Variants in AOPEP observed in about 807,000 individuals in gnomAD.
AOPEP encodes the protein aminopeptidase O.
Under a neutral mutation model 98.1 loss-of-function variants are expected in AOPEP, and 77 were observed. That is an observed-to-expected ratio of 0.78 (90% confidence interval 0.65 to 0.95). AOPEP has a LOEUF of 0.95. Among genes scored for constraint, AOPEP ranks in the 40% least tolerant of loss-of-function variants. The probability of loss-of-function intolerance (pLI) is 0.00; values close to 1 mark genes in which losing one functional copy is unlikely to be tolerated. For missense variants in AOPEP, 1,024 were observed against 1,024.7 expected, an observed-to-expected ratio of 1.00 and a Z score of 0.01; for synonymous variants, 346 against 365.3, an observed-to-expected ratio of 0.95 and a Z score of 0.60.
intron 7 of AOPEP, among the ~76,000 whole-genome samples, chr9:94,954,405 G>T (rs2058314638): frequency 6.6e-6 from 1 of 152,184 alleles, no homozygotes; most frequent in African/African-American, 2.4e-5. Flanking sequence ...GGAAGAAGAA[G>T]AATTGTCTTG....
chr9:95,007,441 C>G (rs2132772555), intron 13 of AOPEP, among the ~76,000 whole-genome samples: 1 of 152,228 alleles, frequency 6.6e-6, no homozygotes, highest in Admixed American at 6.5e-5. Context: ...CTTTGCCCAA[C>G]CGTTTCCTCT....
the AOPEP span, chr9:95,126,802 T>C: frequency 1.9e-6 from 1 of 534,070 alleles, no homozygotes; most frequent in Admixed American, 3.1e-5. Flanking sequence ...TATTCCTCTG[T>C]ATACTCCTGT....
At chr9:95,143,298 C>T in the AOPEP span, among the ~76,000 whole-genome samples, 2 of 152,152 alleles carry the variant, frequency 1.3e-5, no homozygotes, top group Admixed American at 6.5e-5. Flanking sequence ...GCTATTTGAA[C>T]CCCACAGTTT....
intron 13 of AOPEP, among the ~76,000 whole-genome samples, chr9:95,031,083 T>A (rs2064258216): frequency 6.6e-6 from 1 of 152,112 alleles, no homozygotes; most frequent in Admixed American, 6.5e-5. Context: ...CCCAGGCTAG[T>A]GGAAAGTGTG....
chr9:94,967,431 G>T (rs1276553380), intron 9 of AOPEP, among the ~76,000 whole-genome samples: 2 of 152,184 alleles, frequency 1.3e-5, no homozygotes, highest in Non-Finnish European at 2.9e-5. Context: ...GGCGATGGGG[G>T]AGTAGAGAGG....
chr9:95,124,705 T>A, the AOPEP span, among the ~76,000 whole-genome samples: 1 of 152,132 alleles, frequency 6.6e-6, no homozygotes, highest in Middle Eastern at 3.2e-3. Context: ...TTCCTATTCA[T>A]CACATGCCAT....
intron 2 of AOPEP, among the ~76,000 whole-genome samples, chr9:94,768,150 C>T (rs1840039106): frequency 1.3e-5 from 2 of 152,024 alleles, no homozygotes; most frequent in Admixed American, 6.6e-5. Context: ...AGATTCTGAC[C>T]CCCTAAACTG....
chr9:94,730,621 C>T (rs897225825), intron 1 of AOPEP, among the ~76,000 whole-genome samples: 1 of 152,158 alleles, frequency 6.6e-6, no homozygotes, highest in Non-Finnish European at 1.5e-5. Context: ...TAGGATCTCT[C>T]TATCTTCGGA....
intron 5 of AOPEP, among the ~76,000 whole-genome samples, chr9:94,849,118 G>A (rs188577724): frequency 2.0e-5 from 3 of 152,346 alleles, no homozygotes; most frequent in Admixed American, 1.3e-4. Flanking sequence ...GTTCAGAAAT[G>A]CTAAAATGGG....
intron 1 of AOPEP, among the ~76,000 whole-genome samples, chr9:94,740,322 G>A (rs952144393): frequency 2.0e-5 from 3 of 152,114 alleles, no homozygotes; most frequent in Admixed American, 6.5e-5. Flanking sequence ...ACGTGGTTGT[G>A]GACTGTGGAT....
intron 13 of AOPEP, among the ~76,000 whole-genome samples, chr9:95,043,098 C>A (rs1176411783): frequency 1.0e-5 from 1 of 100,170 alleles, no homozygotes; most frequent in African/African-American, 3.8e-5. Context: ...CAAACTGAGA[C>A]CCCCCAGCCA....
At chr9:95,051,501 A>ATG (rs2066362695) in intron 13 of AOPEP, among the ~76,000 whole-genome samples, 1 of 152,160 alleles carries the variant, frequency 6.6e-6, no homozygotes, top group Admixed American at 6.5e-5. Flanking sequence ...TAAGACATAC[A>ATG]GTTGAGTTTT....
chr9:95,149,059 T>C, the AOPEP span, among the ~76,000 whole-genome samples: 1 of 152,104 alleles, frequency 6.6e-6, no homozygotes, highest in Non-Finnish European at 1.5e-5. Context: ...AAAACAATGC[T>C]GCTTTTGTCA....
intron 14 of AOPEP, among the ~76,000 whole-genome samples, chr9:95,070,656 C>A (rs2068402189): frequency 6.6e-6 from 1 of 152,270 alleles, no homozygotes; most frequent in African/African-American, 2.4e-5. Flanking sequence ...CCCAGAGGCC[C>A]ATGCATGCCC....
chr9:94,804,238 C>G (rs191214830), intron 5 of AOPEP, among the ~76,000 whole-genome samples: 18 of 152,270 alleles, frequency 1.2e-4, no homozygotes, highest in South Asian at 8.3e-4. Context: ...AAAATTAACA[C>G]CTTAATCTTA....
intron 1 of AOPEP, among the ~76,000 whole-genome samples, chr9:94,749,085 A>T (rs553315909): frequency 6.6e-6 from 1 of 152,224 alleles, no homozygotes; most frequent in Non-Finnish European, 1.5e-5. Context: ...AGGAAGATGT[A>T]GTCTCTCCCT....
At chr9:95,112,512 G>C in the AOPEP span, among the ~76,000 whole-genome samples, 1 of 152,226 alleles carries the variant, frequency 6.6e-6, no homozygotes, top group East Asian at 1.9e-4. Context: ...TTGAGCAACA[G>C]AGACATGTCC....
intron 13 of AOPEP, among the ~76,000 whole-genome samples, chr9:95,023,863 C>T (rs964179981): frequency 6.6e-6 from 1 of 152,146 alleles, no homozygotes; most frequent in Non-Finnish European, 1.5e-5. Context: ...ATGGGTTATG[C>T]ATGATTTAAA....
At chr9:94,969,687 G>C (rs1215413010) in intron 10 of AOPEP, among the ~76,000 whole-genome samples, 1 of 152,192 alleles carries the variant, frequency 6.6e-6, no homozygotes, top group African/African-American at 2.4e-5. Flanking sequence ...GATTACAGGC[G>C]TGGGCCACTG....
Sources: allele counts gnomAD v4.1 joint callset (sites outside exome capture counted in the v4.1 genomes callset), GRCh38; gene constraint gnomAD v4.1.1; transcripts MANE v1.5; gene names NCBI Gene and HGNC (gene_info 2026-07-23, HGNC 2026-07-21).